The following GNB4 variants were observed in gnomAD, a reference collection of about 807,000 sequenced individuals.
The protein encoded by GNB4 is G protein subunit beta 4, also known as guanine nucleotide-binding protein subunit beta-4.
In GNB4, 28 loss-of-function variants were observed where a neutral mutation model predicts 45.2. That is an observed-to-expected ratio of 0.62 (90% CI 0.46 to 0.85). GNB4 has a LOEUF of 0.85. Ranked by LOEUF, GNB4 falls within the 40% of genes least tolerant of loss-of-function variation. The pLI is 0.00. For synonymous variants in GNB4, 132 were observed against 143.7 expected, an observed-to-expected ratio of 0.92 and a Z score of 0.58; for missense variants, 321 against 425.4, an observed-to-expected ratio of 0.75 and a Z score of 2.16.
At chr3:179,480,860 T>C in the GNB4 span, among the ~76,000 whole-genome samples, 6 of 150,134 alleles carry the variant, frequency 4.0e-5, no homozygotes, top group African/African-American at 1.5e-4. Context: ...TTTTCTTTTT[T>C]TTTTTTTTTG....
At position 179,416,572 on chromosome 3, in the gene GNB4, C is replaced by G. The variant is rs760031802; in HGVS notation, c.204-16G>C. 5.1e-6 allele frequency: 8 copies of G among 1,554,896 alleles called. No homozygotes were observed. Among genetic ancestry groups the G allele is most frequent in the Non-Finnish European group, 7.0e-6 (8 of 1,143,804 alleles). The stretch of plus-strand genomic sequence containing the variant: ...GACTAGCAGCCTAGAGGAACAAACA[C>G]AAAAATAATTTGACACTTAGAGGGA... On this transcript the variant is annotated splice_polypyrimidine_tract_variant and intron_variant, in intron 4 of 9. Transcript: ENST00000232564.
At chr3:179,490,429 C>T in the GNB4 span, among the ~76,000 whole-genome samples, 7 of 151,912 alleles carry the variant, frequency 4.6e-5, no homozygotes, top group East Asian at 3.9e-4. Flanking sequence ...GTAGGTAGAT[C>T]GATAGATAGA....
intron 8 of GNB4, among the ~76,000 whole-genome samples, chr3:179,407,844 T>A (rs1214541334): frequency 6.6e-6 from 1 of 152,056 alleles, no homozygotes; most frequent in African/African-American, 2.4e-5. Context: ...GCCTATCCCC[T>A]CCAGACAGAG....
At chr3:179,431,489 G>A (rs1715307274) in intron 1 of GNB4, among the ~76,000 whole-genome samples, 1 of 150,912 alleles carries the variant, frequency 6.6e-6, no homozygotes, top group Non-Finnish European at 1.5e-5. Context: ...AACCCAGGAT[G>A]CAGAGGCTGC....
the GNB4 span, among the ~76,000 whole-genome samples, chr3:179,490,540 G>A: frequency 6.6e-6 from 1 of 152,174 alleles, no homozygotes; most frequent in Non-Finnish European, 1.5e-5. Context: ...ACCCTGGAAT[G>A]TCAGTAGCAT....
the GNB4 span, among the ~76,000 whole-genome samples, chr3:179,479,598 T>TAC: frequency 9.2e-5 from 14 of 152,124 alleles, no homozygotes; most frequent in African/African-American, 1.7e-4. Flanking sequence ...AAAACACATG[T>TAC]ACACACACAC....
chr3:179,481,929 G>T, the GNB4 span, among the ~76,000 whole-genome samples: 2 of 151,766 alleles, frequency 1.3e-5, no homozygotes, highest in Non-Finnish European at 2.9e-5. Context: ...CTGAGACAGG[G>T]TCTCGCTCTA....
intron 1 of GNB4, among the ~76,000 whole-genome samples, chr3:179,448,508 T>C (rs1715793965): frequency 6.6e-6 from 1 of 152,140 alleles, no homozygotes; most frequent in African/African-American, 2.4e-5. Flanking sequence ...TTTATATTAT[T>C]CACATAAATA....
At chr3:179,504,304 A>C in the GNB4 span, among the ~76,000 whole-genome samples, 1 of 152,132 alleles carries the variant, frequency 6.6e-6, no homozygotes, top group African/African-American at 2.4e-5. Flanking sequence ...ATGGGCAGAA[A>C]ATATATATTC....
chr3:179,471,178 CAAAAA>C, the GNB4 span, among the ~76,000 whole-genome samples: 3 of 132,292 alleles, frequency 2.3e-5, no homozygotes. Flanking sequence ...GACTCCGTCT[CAAAAA>C]AAAAAAAAAA....
At chr3:179,418,618 T>C (rs144990865) in intron 4 of GNB4, among the ~76,000 whole-genome samples, 8 of 152,324 alleles carry the variant, frequency 5.3e-5, no homozygotes, top group East Asian at 1.9e-4. Flanking sequence ...AGAGCAACAA[T>C]TGAGGCTTCT....
chr3:179,515,203 C>CAGAT, the GNB4 span, among the ~76,000 whole-genome samples: 1 of 152,200 alleles, frequency 6.6e-6, no homozygotes, highest in Non-Finnish European at 1.5e-5. Flanking sequence ...TACAATGTGT[C>CAGAT]AGATAGTATT....
chr3:179,484,792 T>C, the GNB4 span, among the ~76,000 whole-genome samples: 1 of 151,834 alleles, frequency 6.6e-6, no homozygotes, highest in East Asian at 1.9e-4. Flanking sequence ...TCAATGTTAA[T>C]CAATCAACTA....
intron 1 of GNB4, among the ~76,000 whole-genome samples, chr3:179,438,801 GGA>G (rs1715525009): frequency 1.3e-5 from 2 of 152,144 alleles, no homozygotes; most frequent in Admixed American, 1.3e-4. Flanking sequence ...TTTCAAAGGG[GGA>G]GAGAGAATAG....
the GNB4 span, among the ~76,000 whole-genome samples, chr3:179,518,806 C>A: frequency 1.3e-5 from 2 of 152,300 alleles, no homozygotes; most frequent in Admixed American, 6.5e-5. Flanking sequence ...CCCTGAGATG[C>A]TTTACAGCCC....
the GNB4 span, among the ~76,000 whole-genome samples, chr3:179,499,340 T>C: frequency 6.6e-6 from 1 of 152,124 alleles, no homozygotes; most frequent in East Asian, 1.9e-4. Context: ...TTTGTATTTT[T>C]AGTAGAGACA....
chr3:179,455,632 T>G (rs570573444), upstream of GNB4, among the ~76,000 whole-genome samples: 2 of 152,360 alleles, frequency 1.3e-5, 1 homozygote, highest in East Asian at 3.9e-4. Context: ...CTGATCTGTT[T>G]CTGTTAAGTG....
the GNB4 span, among the ~76,000 whole-genome samples, chr3:179,508,930 G>GTATATATATATATATATATTTATA: frequency 2.1e-5 from 1 of 47,126 alleles, no homozygotes; most frequent in Admixed American, 2.5e-4. Context: ...CTTTCAGCAT[G>GTATATATATATATATATATTTATA]TGTATATATA....
the GNB4 span, among the ~76,000 whole-genome samples, chr3:179,492,371 G>T: frequency 6.6e-6 from 1 of 152,110 alleles, no homozygotes; most frequent in Non-Finnish European, 1.5e-5. Flanking sequence ...CACCCATGAG[G>T]CTGGAGCTGC....
Sources: gnomAD v4.1 joint callset for allele counts (sites outside exome capture counted in the v4.1 genomes callset) on GRCh38, gnomAD v4.1.1 for gene constraint, MANE v1.5 for transcripts, NCBI Gene and HGNC (gene_info 2026-07-23, HGNC 2026-07-21) for gene names.